TUBB3: variants seen among roughly 807,000 people sequenced by gnomAD.
TUBB3 encodes the protein tubulin beta 3 class III, also known as tubulin beta-3 chain.
A neutral mutation model predicts 37.8 loss-of-function variants in TUBB3; 17 were observed. That is an observed-to-expected ratio of 0.45 (90% CI 0.31 to 0.67). The LOEUF (loss-of-function observed/expected upper bound fraction) is 0.67, where lower values mean the gene tolerates loss of function less well. Ranked by LOEUF, TUBB3 falls within the 30% of genes least tolerant of loss-of-function variation. The pLI is 0.07. For synonymous variants in TUBB3, 332 were observed against 278.9 expected, an observed-to-expected ratio of 1.19 and a Z score of -1.90; for missense variants, 262 against 657.9, an observed-to-expected ratio of 0.40 and a Z score of 6.58.
At chr16:89,928,104 G>A (rs1050139649) in intron 1 of TUBB3, among the ~76,000 whole-genome samples, 3 of 151,964 alleles carry the variant, frequency 2.0e-5, no homozygotes, top group Non-Finnish European at 2.9e-5. Flanking sequence ...TTACTCTGTC[G>A]CCTGGACTGG....
Position 89,923,438 on chromosome 16 carries a change from G to T in TUBB3, c.37G>T (p.Gly13Cys). Residue 13 changes from glycine (G) to cysteine (C), a missense_variant, in exon 1 of 4, where the codon GGC (glycine) becomes TGC (cysteine). Transcript: ENST00000315491. ...EIVHIQAGQC[G>C]NQIGAKFWEV... The stretch of plus-strand genomic sequence containing the variant: ...CGTGCACATCCAGGCCGGCCAGTGC[G>T]GCAACCAGATCGGGGCCAAGGTGAG... 6.6e-7 allele frequency: 1 copy of T among 1,514,136 alleles called. No individual in the cohort carries two copies. Among genetic ancestry groups the T allele is most frequent in the Non-Finnish European group, 8.8e-7 (1 of 1,130,874 alleles). 93.8% of individuals were successfully genotyped at this position (1,514,136 alleles called of 1,614,324 possible).
chr16:89,928,659 G>A (rs1459840046), intron 1 of TUBB3, among the ~76,000 whole-genome samples: 1 of 151,970 alleles, frequency 6.6e-6, no homozygotes, highest in Non-Finnish European at 1.5e-5. Flanking sequence ...CAAGTAGCTG[G>A]GACTACAGGT....
intron 1 of TUBB3, among the ~76,000 whole-genome samples, 170 bp downstream of exon 1, chr16:89,923,628 C>G (rs2029965626): frequency 6.6e-6 from 1 of 152,162 alleles, no homozygotes; most frequent in Non-Finnish European, 1.5e-5. Flanking sequence ...CTGGGACTCT[C>G]GCCTGCACCT....
intron 1 of TUBB3, among the ~76,000 whole-genome samples, chr16:89,930,936 T>C (rs1023024600): frequency 6.6e-6 from 1 of 152,064 alleles, no homozygotes; most frequent in African/African-American, 2.4e-5. Flanking sequence ...CAAGTGATTC[T>C]CCTGCTTCAG....
chr16:89,925,824 C>T (rs1400072795), intron 1 of TUBB3, among the ~76,000 whole-genome samples: 2 of 152,084 alleles, frequency 1.3e-5, no homozygotes, highest in African/African-American at 2.4e-5. Flanking sequence ...CAGGAAGGCC[C>T]GTGCACTCTG....
Position 89,933,449 on chromosome 16 carries a change from A to C in TUBB3, c.167-19A>C. On this transcript the variant is annotated intron_variant, in intron 2 of 3. Transcript: ENST00000315491. ...TGGCCCTCTGTGACCCGAATCACCG[A>C]GCCCCTCTCTCCCCTCAGCTCACAA... is the stretch of plus-strand genomic sequence containing the variant. 1.1e-5 allele frequency: 17 copies of C among 1,597,020 alleles called. No individual in the cohort carries two copies. The highest frequency in any genetic ancestry group is 1.5e-5 in the Non-Finnish European group (17 of 1,164,582).
At chr16:89,934,246 C>G (rs2030375432) in intron 3 of TUBB3, 2 of 451,836 alleles carry the variant, frequency 4.4e-6, no homozygotes, top group Non-Finnish European at 8.9e-6. Flanking sequence ...ATGCCACGTT[C>G]CCATGTCTGT....
intron 1 of TUBB3, among the ~76,000 whole-genome samples, chr16:89,926,019 C>T (rs1047266324): frequency 1.3e-5 from 2 of 152,212 alleles, no homozygotes; most frequent in South Asian, 2.1e-4. Context: ...GCCCGGAAAG[C>T]CGAGCGGCCG....
In TUBB3 at chr16:89,926,243, C is replaced by G. The variant is rs554262790; in HGVS notation, c.57+2785C>G. Among the ~76,000 whole-genome samples the G allele has an allele frequency of 1.9e-4, 29 of 152,264 alleles. No homozygotes were observed. In the Middle Eastern group the frequency reaches 0.01, roughly 54 times the overall value. On this transcript the variant is annotated intron_variant, in intron 1 of 3. Coordinates refer to ENST00000315491, the MANE Select transcript of TUBB3 (RefSeq NM_006086.4). ...TCCTCCGCGCGGGCTGCGGCACCGC[C>G]TCCTCGCGGCTGCGGGGCGGGGCTG...
At chr16:89,928,311 C>T (rs1441687233) in intron 1 of TUBB3, among the ~76,000 whole-genome samples, 2 of 151,776 alleles carry the variant, frequency 1.3e-5, no homozygotes, top group East Asian at 1.9e-4. Context: ...CTCTCTTGGC[C>T]TCCCAAACTG....
upstream of TUBB3, among the ~76,000 whole-genome samples, chr16:89,922,926 G>A (rs7186465): frequency 6.6e-6 from 1 of 152,270 alleles, no homozygotes; most frequent in Non-Finnish European, 1.5e-5. Flanking sequence ...AGGGAGCTGG[G>A]ATGGTGCGGG....
chr16:89,930,014 C>CCCTTCCTTCCTTCCTT (rs59751572), intron 1 of TUBB3, among the ~76,000 whole-genome samples: 27 of 141,462 alleles, frequency 1.9e-4, no homozygotes, highest in Non-Finnish European at 2.9e-4. Context: ...CAGTTTTCTC[C>CCCTTCCTTCCTTCCTT]CCTTCCTTCC....
rs568596309 is a variant in TUBB3 at position 89,935,406 on chromosome 16, G to A, written c.955G>A (p.Gly319Ser). The change falls in exon 4 of 4, where the codon GGC becomes AGC. Residue 319 changes from glycine (G) to serine (S), a missense_variant. By Grantham distance (56) the Gly-to-Ser change is moderately conservative (BLOSUM62 0). Coordinates refer to ENST00000315491, the MANE Select transcript of TUBB3 (RefSeq NM_006086.4). ...RYLTVATVFR[G>S]RMSMKEVDEQ... ...CCTGACGGTGGCCACCGTGTTCCGG[G>A]GCCGCATGTCCATGAAGGAGGTGGA... 2 of 1,614,138 alleles carry A rather than the reference G, an allele frequency of 1.2e-6. No homozygotes were observed. Among genetic ancestry groups the A allele is most frequent in the East Asian group, 2.2e-5 (1 of 44,864 alleles).
chr16:89,935,064 G>C lies in TUBB3; in HGVS notation c.613G>C (p.Glu205Gln), dbSNP rs878853257. 1 of 1,614,072 alleles carries C rather than the reference G, an allele frequency of 6.2e-7. No individual in the cohort carries two copies. Among genetic ancestry groups the C allele is most frequent in the African/African-American group, 1.3e-5 (1 of 74,924 alleles). Reference protein sequence around the residue: ...NTDETYCIDNEALYDICFRTL... With the variant: ...NTDETYCIDNQALYDICFRTL... ...GGATGAGACCTACTGCATCGACAAC[G>C]AGGCGCTCTACGACATCTGCTTCCG... The change falls in exon 4 of 4, where the codon GAG becomes CAG. Residue 205 changes from glutamate (E) to glutamine (Q), a missense_variant. By Grantham distance (29) the Glu-to-Gln change is conservative. Around this residue, in one of 3 missense-constraint regions of TUBB3, gnomAD observed 165 missense variants for 556.8 expected, o/e 0.30. Transcript: ENST00000315491.
intron 1 of TUBB3, among the ~76,000 whole-genome samples, 193 bp from the exon 2 acceptor site, chr16:89,932,378 G>A (rs567306251): frequency 6.6e-6 from 1 of 152,332 alleles, no homozygotes; most frequent in Admixed American, 6.5e-5. Context: ...ACGTGTAGGT[G>A]TGGAGGTGCA....
At chr16:89,924,700 G>T (rs1007424375) in intron 1 of TUBB3, among the ~76,000 whole-genome samples, 1 of 152,112 alleles carries the variant, frequency 6.6e-6, no homozygotes, top group Non-Finnish European at 1.5e-5. Context: ...GGGTGGAGGC[G>T]CCTCTGAGGG....
intron 1 of TUBB3, among the ~76,000 whole-genome samples, chr16:89,929,641 C>T (rs1407656535): frequency 6.6e-6 from 1 of 152,232 alleles, no homozygotes; most frequent in Non-Finnish European, 1.5e-5. Flanking sequence ...CCTCCCCAGG[C>T]ACAGCCTTCC....
Position 89,932,549 on chromosome 16 carries a change from C to T in TUBB3, c.58-22C>T, listed in dbSNP as rs2302897. 141,707 of 1,607,320 alleles carry T rather than the reference C, an allele frequency of 0.088. 13,351 individuals are homozygous for T. The highest frequency in any genetic ancestry group is 0.48 in the African/African-American group (35,804 of 74,822). On this transcript the variant is annotated intron_variant, in intron 1 of 3. Transcript: ENST00000315491. ...GGGGCTATGGGCCGGTGCCGACCCC[C>T]CCTCTCCCACTTTGTTTGCAGTTCT...
intron 1 of TUBB3, among the ~76,000 whole-genome samples, chr16:89,930,049 TTCCTTCCTTC>T (rs1193723497): frequency 2.3e-4 from 34 of 148,862 alleles, no homozygotes; most frequent in African/African-American, 8.3e-4. Context: ...CCTTCCTTCC[TTCCTTCCTTC>T]CTCTCTCTCT....
Sources: gnomAD v4.1 joint callset for allele counts (sites outside exome capture counted in the v4.1 genomes callset) on GRCh38, gnomAD v4.1.1 for gene constraint, gnomAD v4.1.1 regional missense constraint, MANE v1.5 for transcripts, NCBI Gene and HGNC (gene_info 2026-07-23, HGNC 2026-07-21) for gene names.